The following TUSC3 variants were observed in gnomAD, a reference collection of about 807,000 sequenced individuals.
TUSC3 encodes tumor suppressor candidate 3, also known as dolichyl-diphosphooligosaccharide--protein glycosyltransferase subunit TUSC3.
Under a neutral mutation model 44.8 loss-of-function variants are expected in TUSC3, and 45 were observed. The observed-to-expected ratio is 1.00, with a 90% CI of 0.79 to 1.29. The LOEUF is 1.29. Ranked by LOEUF, TUSC3 falls within the 50% of genes most tolerant of loss-of-function variation. The probability of loss-of-function intolerance (pLI) is 0.00; values close to 1 mark genes in which losing one functional copy is unlikely to be tolerated. For missense variants in TUSC3, 519 were observed against 437.9 expected (o/e 1.19, Z -1.65); for synonymous variants, 212 against 152.9 (o/e 1.39, Z -2.85).
intron 2 of TUSC3, among the ~76,000 whole-genome samples, chr8:15,645,221 A>G (rs1257125796): frequency 6.6e-6 from 1 of 152,162 alleles, no homozygotes; most frequent in Non-Finnish European, 1.5e-5. Context: ...TACTATTTAC[A>G]CAATAAAAGC....
intron 1 of TUSC3, among the ~76,000 whole-genome samples, chr8:15,593,962 C>G (rs1226276425): frequency 6.6e-6 from 1 of 152,088 alleles, no homozygotes; most frequent in Non-Finnish European, 1.5e-5. Context: ...CACTCTATGT[C>G]CCTGTCACTC....
intron 10 of TUSC3, chr8:15,758,293 A>C: frequency 4.1e-6 from 4 of 965,754 alleles, no homozygotes; most frequent in Non-Finnish European, 4.9e-6. Flanking sequence ...AACTTACTGA[A>C]AACTTTTTTA....
chr8:15,688,040 C>A (rs1585230909), intron 6 of TUSC3, among the ~76,000 whole-genome samples: 1 of 151,758 alleles, frequency 6.6e-6, no homozygotes, highest in South Asian at 2.1e-4. Context: ...AAGAATCAGT[C>A]CTCCCACAGA....
chr8:15,579,858 T>G (rs1190775810), intron 1 of TUSC3, among the ~76,000 whole-genome samples: 2 of 38,766 alleles, frequency 5.2e-5, no homozygotes, highest in Admixed American at 2.8e-4. Context: ...CTGAGTTCAA[T>G]TCCTGGGTAT....
intron 7 of TUSC3, among the ~76,000 whole-genome samples, chr8:15,731,598 G>T (rs1011373847): frequency 1.3e-5 from 2 of 152,122 alleles, no homozygotes; most frequent in African/African-American, 4.8e-5. Flanking sequence ...AAGCCCACTT[G>T]AGCTAGAATT....
intron 2 of TUSC3, among the ~76,000 whole-genome samples, chr8:15,514,607 C>A (rs983622976): frequency 1.3e-5 from 2 of 152,094 alleles, no homozygotes; most frequent in African/African-American, 4.8e-5. Context: ...ATTGCAATGT[C>A]TTGTGTTGTT....
chr8:15,728,302 G>C (rs1810580617), intron 6 of TUSC3, among the ~76,000 whole-genome samples: 1 of 152,136 alleles, frequency 6.6e-6, no homozygotes. Context: ...ATCTAGGCAA[G>C]AGATGATGAG....
intron 2 of TUSC3, among the ~76,000 whole-genome samples, chr8:15,646,407 A>T (rs1042056713): frequency 2.0e-5 from 3 of 152,136 alleles, no homozygotes; most frequent in African/African-American, 7.2e-5. Context: ...TGGACTTTAG[A>T]ATAGAGGCTA....
At position 15,580,865 on chromosome 8, in the gene TUSC3, G is replaced by C. The variant is rs533632831; in HGVS notation, c.138+40297G>C. On this transcript the variant is annotated intron_variant, in intron 1 of 10. Transcript: ENST00000503731. ...ATTTCCTTAATCTGAACGTTGGCCTGCCTTGCTAGATTGGGGAAGTTCTCC... is the reference window on the plus strand; with the variant it reads ...ATTTCCTTAATCTGAACGTTGGCCTCCCTTGCTAGATTGGGGAAGTTCTCC... 2.2e-4 allele frequency among the ~76,000 whole-genome samples: 31 copies of C among 143,192 alleles called. 1 individual carries two copies. In the East Asian group the frequency reaches 5.5e-3, roughly 25 times the overall value. 93.9% of individuals were successfully genotyped at this position (143,192 alleles called of 152,430 possible).
At position 15,602,694 on chromosome 8, in the gene TUSC3, GTGTA is replaced by G. The variant is rs751804206; in HGVS notation, c.139-20384_139-20381del. ...TGTGTGTGTGTGTGTGTGTGTGTGT[GTGTA>G]TATATGTGTATGTATACGTGTGTAT... On this transcript the variant is annotated intron_variant, in intron 1 of 10. Transcript: ENST00000503731. Among the ~76,000 whole-genome samples, 1,093 of 144,860 alleles carry G rather than the reference GTGTA, an allele frequency of 7.5e-3. 5 individuals carry two copies. Among genetic ancestry groups the G allele is most frequent in the Middle Eastern group, 0.028 (8 of 284 alleles).
chr8:15,686,951 C>A (rs188566217), intron 6 of TUSC3, among the ~76,000 whole-genome samples: 1 of 151,964 alleles, frequency 6.6e-6, no homozygotes, highest in Admixed American at 6.6e-5. Context: ...GCCTGTAGTC[C>A]GGTCCCAGCT....
intron 1 of TUSC3, among the ~76,000 whole-genome samples, chr8:15,563,592 A>G (rs1448070110): frequency 6.6e-6 from 1 of 150,456 alleles, no homozygotes; most frequent in Non-Finnish European, 1.5e-5. Context: ...AGGCTGAGGC[A>G]GAAGAATTGC....
At chr8:15,807,273 A>T in the TUSC3 span, 2 of 595,294 alleles carry the variant, frequency 3.4e-6, no homozygotes, top group Non-Finnish European at 6.1e-6. Flanking sequence ...TTGTCTAAAG[A>T]TGGTCCCATT....
chr8:15,619,196 T>C (rs1017972757), intron 1 of TUSC3, among the ~76,000 whole-genome samples: 2 of 152,192 alleles, frequency 1.3e-5, no homozygotes, highest in Non-Finnish European at 2.9e-5. Context: ...ATAGGCGAGA[T>C]TTCAGTTCTT....
At chr8:15,471,732 C>T (rs998790348) in intron 1 of TUSC3, among the ~76,000 whole-genome samples, 6 of 151,958 alleles carry the variant, frequency 3.9e-5, no homozygotes, top group Non-Finnish European at 7.4e-5. Flanking sequence ...ATTCTCCCGC[C>T]TCACCCTCCC....
intron 1 of TUSC3, among the ~76,000 whole-genome samples, chr8:15,556,404 T>G (rs1219031710): frequency 6.6e-6 from 1 of 151,406 alleles, no homozygotes; most frequent in Non-Finnish European, 1.5e-5. Flanking sequence ...AGTCTATCAT[T>G]GTTGGACATT....
upstream of TUSC3, among the ~76,000 whole-genome samples, chr8:15,539,261 G>T (rs934653477): frequency 1.3e-5 from 2 of 149,774 alleles, no homozygotes; most frequent in Non-Finnish European, 3.0e-5. Context: ...GAAATCTCTA[G>T]ATACTAGAGT....
rs1172726041 is a variant in TUSC3, at chr8:15,540,388, C to A, written c.-43C>A. ...GGCGTGGTGCGCGGTAGGAGCTGGG[C>A]GCGCACGGCTACCGCGCGTGGAGGA... On this transcript the variant is annotated 5_prime_UTR_variant, in exon 1 of 11. Coordinates refer to ENST00000503731, the MANE Select transcript of TUSC3 (RefSeq NM_006765.4). The A allele has an allele frequency of 3.3e-6, 5 of 1,513,622 alleles. No homozygotes were observed. Among genetic ancestry groups the A allele is most frequent in the Non-Finnish European group, 1.8e-6 (2 of 1,129,780 alleles). The allele number at this position is 1,513,622 out of a possible 1,614,324, so 93.8% of individuals were successfully genotyped here. A position where few individuals can be genotyped will look rare whatever the true frequency, so the allele number is the denominator to read the frequency against.
intron 6 of TUSC3, among the ~76,000 whole-genome samples, chr8:15,700,455 G>A (rs1204090172): frequency 3.3e-5 from 5 of 152,120 alleles, no homozygotes; most frequent in Non-Finnish European, 7.4e-5. Context: ...GTAAGTAGGA[G>A]TGAAAGAGCC....
Sources: allele counts gnomAD v4.1 joint callset (sites outside exome capture counted in the v4.1 genomes callset), GRCh38; gene constraint gnomAD v4.1.1; transcripts MANE v1.5; gene names NCBI Gene and HGNC (gene_info 2026-07-23, HGNC 2026-07-21).